Variants in MCOLN2 observed in about 807,000 individuals in gnomAD.
MCOLN2 encodes the protein mucolipin-2.
Under a neutral mutation model 67.5 loss-of-function variants are expected in MCOLN2, and 57 were observed. The observed-to-expected ratio is 0.84, with a 90% confidence interval of 0.68 to 1.05. MCOLN2 has a LOEUF of 1.05. Ranked by LOEUF, MCOLN2 falls within the 50% of genes least tolerant of loss-of-function variation. MCOLN2 has a pLI of 0.00. For synonymous variants in MCOLN2, 246 were observed against 233.3 expected (o/e 1.05, Z -0.50); for missense variants, 620 against 678.8 (o/e 0.91, Z 0.96).
At chr1:84,933,915 CAG>C (rs1647290405) in intron 11 of MCOLN2, among the ~76,000 whole-genome samples, 2 of 152,216 alleles carry the variant, frequency 1.3e-5, no homozygotes, top group African/African-American at 4.8e-5. Context: ...AGAGTTAAAA[CAG>C]AGACCCAGTC....
chr1:84,962,788 C>T (rs1649160248), intron 2 of MCOLN2, among the ~76,000 whole-genome samples: 1 of 152,150 alleles, frequency 6.6e-6, no homozygotes, highest in African/African-American at 2.4e-5. Context: ...GTTGGAAAGA[C>T]AAGTTGAAGG....
intron 1 of MCOLN2, among the ~76,000 whole-genome samples, chr1:84,972,789 A>G (rs1649762306): frequency 6.6e-6 from 1 of 152,256 alleles, no homozygotes; most frequent in Non-Finnish European, 1.5e-5. Flanking sequence ...AAACAAAACA[A>G]GATGTCAGTG....
At chr1:84,960,942 G>A (rs1326670862) in intron 2 of MCOLN2, among the ~76,000 whole-genome samples, 3 of 152,114 alleles carry the variant, frequency 2.0e-5, no homozygotes, top group Non-Finnish European at 2.9e-5. Context: ...CAGGCATTGT[G>A]CTAAAATTTA....
intron 7 of MCOLN2, among the ~76,000 whole-genome samples, chr1:84,945,441 C>T (rs762990247): frequency 2.0e-5 from 3 of 152,264 alleles, no homozygotes; most frequent in East Asian, 1.9e-4. Context: ...AAACTATAAT[C>T]GGTGGCTTAA....
chr1:84,946,293 A>AT (rs1277813690), intron 7 of MCOLN2, among the ~76,000 whole-genome samples: 1 of 152,092 alleles, frequency 6.6e-6, no homozygotes, highest in Non-Finnish European at 1.5e-5. Context: ...ATTTCTCTCC[A>AT]TAACACATCA....
intron 12 of MCOLN2, chr1:84,929,924 G>T: frequency 1.2e-5 from 3 of 252,982 alleles, no homozygotes; most frequent in East Asian, 7.7e-5. Flanking sequence ...GCCAGGGAGA[G>T]GTTTTTTTTA....
chr1:84,969,420 A>C (rs1557655051), intron 1 of MCOLN2, among the ~76,000 whole-genome samples: 1 of 152,026 alleles, frequency 6.6e-6, no homozygotes, highest in Non-Finnish European at 1.5e-5. Flanking sequence ...AAAATACAAA[A>C]ATTAGCCAGG....
chr1:84,950,997 A>G (rs1234669166), intron 6 of MCOLN2, among the ~76,000 whole-genome samples: 7 of 152,154 alleles, frequency 4.6e-5, no homozygotes, highest in Admixed American at 4.6e-4. Context: ...AAAGTCATCA[A>G]TGACCTCATC....
intron 11 of MCOLN2, among the ~76,000 whole-genome samples, chr1:84,933,192 T>C (rs1647257636): frequency 6.6e-6 from 1 of 152,230 alleles, no homozygotes; most frequent in Admixed American, 6.5e-5. Context: ...CTGGTAGTTC[T>C]AGTCCTTTCT....
intron 1 of MCOLN2, among the ~76,000 whole-genome samples, chr1:84,993,054 C>T (rs1369292466): frequency 6.6e-6 from 1 of 152,250 alleles, no homozygotes. Flanking sequence ...TGGAGTCAGT[C>T]CTCTCAAACC....
intron 7 of MCOLN2, 83 bp downstream of exon 7, chr1:84,946,949 CA>C: frequency 1.4e-6 from 1 of 694,096 alleles, no homozygotes; most frequent in South Asian, 1.7e-5. Context: ...ATCATGCAAA[CA>C]AACCATTTAA....
At chr1:84,996,511 G>C (rs4907119) in intron 1 of MCOLN2, among the ~76,000 whole-genome samples, 63,650 of 150,096 alleles carry the variant, frequency 0.42, 14,179 homozygotes, top group East Asian at 0.63. Context: ...GTGGCTGGAG[G>C]TTTGACCACG....
At chr1:84,995,387 A>C (rs1354924380) in intron 1 of MCOLN2, among the ~76,000 whole-genome samples, 1 of 152,220 alleles carries the variant, frequency 6.6e-6, no homozygotes, top group African/African-American at 2.4e-5. Flanking sequence ...AAGAACAATA[A>C]AACAAGGTAT....
At chr1:84,949,342 T>C (rs1648287149) in intron 6 of MCOLN2, among the ~76,000 whole-genome samples, 1 of 151,848 alleles carries the variant, frequency 6.6e-6, no homozygotes, top group Non-Finnish European at 1.5e-5. Flanking sequence ...GAGGCAATTC[T>C]AAAAGCTGCA....
At chr1:84,969,080 T>C (rs1273466195) in intron 1 of MCOLN2, among the ~76,000 whole-genome samples, 1 of 152,208 alleles carries the variant, frequency 6.6e-6, no homozygotes. Context: ...CTGGAGGGTG[T>C]TGTACCCGGG....
rs12064092 is a variant in MCOLN2, at chr1:84,939,706, T to G, written c.961-4A>C. 25,462 of 1,613,784 alleles carry G rather than the reference T, an allele frequency of 0.016. 861 individuals carry two copies. The highest frequency in any genetic ancestry group is 0.13 in the African/African-American group (9,537 of 74,958). ...CCAGGAAGAAATTTAGAAATCTCTA[T>G]GGCAAACATTTAAAGAAGCGTTTCT... is the stretch of plus-strand genomic sequence containing the variant. On this transcript the variant is annotated splice_polypyrimidine_tract_variant and splice_region_variant and intron_variant, in intron 8 of 13. Transcript: ENST00000370608.
chr1:84,926,516 A>G lies in MCOLN2; in HGVS notation c.*169T>C. 1 of 451,318 alleles carries G rather than the reference A, an allele frequency of 2.2e-6. No homozygotes were observed. The highest frequency in any genetic ancestry group is 4.0e-6 in the Non-Finnish European group (1 of 250,812). 28.0% of individuals were successfully genotyped at this position (451,318 alleles called of 1,614,324 possible). On this transcript the variant is annotated 3_prime_UTR_variant, in exon 14 of 14. Transcript: ENST00000370608. ...TTCTTTATCATTCAAGTTTATAAAA[A>G]GTAAAGCTGGAACTTCAGTCATGGT...
At chr1:84,984,192 T>G (rs1650393548) in intron 1 of MCOLN2, among the ~76,000 whole-genome samples, 1 of 152,248 alleles carries the variant, frequency 6.6e-6, no homozygotes, top group Non-Finnish European at 1.5e-5. Context: ...TCTTCAGAGT[T>G]GAGCTATTAA....
intron 1 of MCOLN2, among the ~76,000 whole-genome samples, chr1:84,977,572 A>G (rs1473532931): frequency 6.6e-6 from 1 of 152,188 alleles, no homozygotes; most frequent in Non-Finnish European, 1.5e-5. Context: ...GGAAACCAAA[A>G]AAGAGCAGGA....
Sources: gnomAD v4.1 joint callset for allele counts (sites outside exome capture counted in the v4.1 genomes callset) on GRCh38, gnomAD v4.1.1 for gene constraint, MANE v1.5 for transcripts, NCBI Gene and HGNC (gene_info 2026-07-23, HGNC 2026-07-21) for gene names.